The following FRMPD4 variants were observed in gnomAD, a reference collection of about 807,000 sequenced individuals.
FRMPD4 encodes the protein FERM and PDZ domain-containing protein 4.
A neutral mutation model predicts 94.1 loss-of-function variants in FRMPD4; 22 were observed. That is an observed-to-expected ratio of 0.23 (90% CI 0.17 to 0.33). The LOEUF is 0.33. Ranked by LOEUF, FRMPD4 falls within the 10% of genes least tolerant of loss-of-function variation. The probability of loss-of-function intolerance (pLI) is 1.00; values close to 1 mark genes in which losing one functional copy is unlikely to be tolerated. For missense variants in FRMPD4, 1,111 were observed against 1,339.9 expected (o/e 0.83, Z 2.67); for synonymous variants, 631 against 548.6 (o/e 1.15, Z -2.10).
intron 3 of FRMPD4, among the ~76,000 whole-genome samples, chrX:11,969,057 A>G (rs1163754146): frequency 8.9e-6 from 1 of 112,489 alleles, no homozygotes; most frequent in African/African-American, 3.2e-5. Flanking sequence ...AAACAAACCA[A>G]GCCAAATCCC....
At chrX:12,699,296 C>T (rs1214953804) in intron 9 of FRMPD4, among the ~76,000 whole-genome samples, 2 of 112,176 alleles carry the variant, frequency 1.8e-5, no homozygotes, top group Non-Finnish European at 3.8e-5. Context: ...TTAAATCAGA[C>T]CACCCTATCT....
rs779457942 is a variant in FRMPD4 at position 12,523,584 on chromosome X, T to A, written c.158+24788T>A. Among the ~76,000 whole-genome samples, 12 of 112,254 alleles carry A rather than the reference T, an allele frequency of 1.1e-4. No homozygotes were observed. The South Asian group carries it at 3.0e-3, about 28-fold the overall frequency. ...TGGGGTTGGATCTTCTGTATCACTTTCCAGCCACTTGAGGGTGGGCATGCT... is the reference window on the plus strand; with the variant it reads ...TGGGGTTGGATCTTCTGTATCACTTACCAGCCACTTGAGGGTGGGCATGCT... On this transcript the variant is annotated intron_variant, in intron 2 of 16. Transcript: ENST00000675598.
At chrX:12,211,299 G>A (rs1157781129) in intron 1 of FRMPD4, among the ~76,000 whole-genome samples, 1 of 112,070 alleles carries the variant, frequency 8.9e-6, no homozygotes, top group Non-Finnish European at 1.9e-5. Flanking sequence ...TTCAGACTTG[G>A]ATGTGTCTCC....
intron 4 of FRMPD4, among the ~76,000 whole-genome samples, chrX:12,626,084 T>A (rs1372647114): frequency 9.0e-6 from 1 of 111,420 alleles, no homozygotes; most frequent in Non-Finnish European, 1.9e-5. Flanking sequence ...CTAGCATTTT[T>A]GGGAGGCCAA....
intron 1 of FRMPD4, among the ~76,000 whole-genome samples, chrX:12,209,833 T>C (rs2056734851): frequency 8.9e-6 from 1 of 112,079 alleles, no homozygotes; most frequent in Admixed American, 9.5e-5. Context: ...CATTTTCTCA[T>C]TGCTCTCAAC....
chrX:12,643,743 G>A lies in FRMPD4; in HGVS notation c.422+28862G>A, dbSNP rs149638685. On this transcript the variant is annotated intron_variant, in intron 4 of 16. Transcript: ENST00000675598. ...ATGAGATGAGTCAACTGGAAGTAGC[G>A]GAAATAACGTAGGTGAGTAAATAAG... is the stretch of plus-strand genomic sequence containing the variant. Among the ~76,000 whole-genome samples the A allele has an allele frequency of 7.7e-4, 86 of 111,948 alleles. 1 individual carries two copies. The East Asian group carries it at 0.017, about 22-fold the overall frequency.
chrX:12,179,196 G>A (rs967061680), intron 1 of FRMPD4, among the ~76,000 whole-genome samples: 2 of 111,410 alleles, frequency 1.8e-5, no homozygotes, highest in African/African-American at 6.5e-5. Flanking sequence ...TCTCTGGGCA[G>A]CATACCAAGG....
chrX:11,892,332 C>T (rs1231518282), intron 3 of FRMPD4, among the ~76,000 whole-genome samples: 1 of 112,103 alleles, frequency 8.9e-6, no homozygotes, highest in Non-Finnish European at 1.9e-5. Context: ...AACCCAAGGC[C>T]CTTATCAAGT....
At chrX:11,883,794 A>T (rs16998878) in intron 3 of FRMPD4, among the ~76,000 whole-genome samples, 6,917 of 111,955 alleles carry the variant, frequency 0.062, 524 homozygotes, top group African/African-American at 0.21. Context: ...GATGCCCTGA[A>T]TCCACACTGG....
intron 1 of FRMPD4, among the ~76,000 whole-genome samples, chrX:12,313,704 CCATTTCATT>C (rs2055070108): frequency 9.0e-6 from 1 of 111,625 alleles, no homozygotes; most frequent in South Asian, 3.8e-4. Flanking sequence ...GGTTTTTTCC[CCATTTCATT>C]CATTTCATTC....
intron 1 of FRMPD4, among the ~76,000 whole-genome samples, chrX:12,197,655 ATTAT>A (rs1261565158): frequency 8.9e-6 from 1 of 112,049 alleles, no homozygotes; most frequent in Non-Finnish European, 1.9e-5. Context: ...CACAGAAAAG[ATTAT>A]TTAAGGGCAG....
chrX:12,414,304 G>A (rs1282338444), intron 1 of FRMPD4, among the ~76,000 whole-genome samples: 2 of 111,839 alleles, frequency 1.8e-5, no homozygotes, highest in Non-Finnish European at 3.8e-5. Flanking sequence ...TCTACTTTCT[G>A]GCAGATTACA....
intron 1 of FRMPD4, among the ~76,000 whole-genome samples, chrX:12,263,366 G>C (rs2054222934): frequency 9.0e-6 from 1 of 111,561 alleles, no homozygotes; most frequent in Non-Finnish European, 1.9e-5. Flanking sequence ...GACAAATGTG[G>C]CTGGACTGGA....
intron 2 of FRMPD4, among the ~76,000 whole-genome samples, chrX:12,608,644 C>A (rs1306436205): frequency 3.6e-5 from 4 of 112,371 alleles, no homozygotes; most frequent in African/African-American, 1.3e-4. Context: ...TGTCTGAAAC[C>A]CTCTGAGGCT....
intron 3 of FRMPD4, among the ~76,000 whole-genome samples, chrX:11,960,227 A>G (rs1342133074): frequency 8.9e-6 from 1 of 112,074 alleles, no homozygotes; most frequent in African/African-American, 3.2e-5. Context: ...TCCTCCCTCC[A>G]GATTTCCTTT....
chrX:12,082,452 A>G (rs771337353), intron 3 of FRMPD4, among the ~76,000 whole-genome samples: 18 of 112,131 alleles, frequency 1.6e-4, no homozygotes, highest in African/African-American at 5.8e-4. Flanking sequence ...CTGTAAGTCC[A>G]ATTAAACCTG....
chrX:12,109,686 TAAG>T (rs2055337410), intron 3 of FRMPD4, among the ~76,000 whole-genome samples: 2 of 109,247 alleles, frequency 1.8e-5, no homozygotes, highest in Admixed American at 1.9e-4. Flanking sequence ...GCAAGACTAA[TAAG>T]AAAAGAGGGG....
intron 3 of FRMPD4, among the ~76,000 whole-genome samples, chrX:11,970,512 GA>G (rs1401739475): frequency 1.8e-5 from 2 of 112,188 alleles, no homozygotes; most frequent in East Asian, 5.6e-4. Context: ...AGCACTGACT[GA>G]CTATGTTGGA....
intron 2 of FRMPD4, among the ~76,000 whole-genome samples, chrX:12,513,686 T>C (rs184805388): frequency 8.9e-6 from 1 of 112,345 alleles, no homozygotes; most frequent in Non-Finnish European, 1.9e-5. Flanking sequence ...CTTAGGATTG[T>C]CTTGGCTATA....
Sources: gnomAD v4.1 joint callset for allele counts (sites outside exome capture counted in the v4.1 genomes callset) on GRCh38, gnomAD v4.1.1 for gene constraint, MANE v1.5 for transcripts, NCBI Gene and HGNC (gene_info 2026-07-23, HGNC 2026-07-21) for gene names.